Variants in DAB1 observed in about 807,000 individuals in gnomAD.
DAB1 encodes the protein disabled homolog 1.
In DAB1, 15 loss-of-function variants were observed where a neutral mutation model predicts 64.6. The observed-to-expected ratio is 0.23, with a 90% CI of 0.16 to 0.36. The LOEUF is 0.36. Among genes scored for constraint, DAB1 ranks in the 10% least tolerant of loss-of-function variants. The probability of loss-of-function intolerance (pLI) is 1.00; values close to 1 mark genes in which losing one functional copy is unlikely to be tolerated. For missense variants in DAB1, 596 were observed against 706.7 expected, an observed-to-expected ratio of 0.84 and a Z score of 1.78; for synonymous variants, 235 against 251.9, an observed-to-expected ratio of 0.93 and a Z score of 0.64.
intron 1 of DAB1, among the ~76,000 whole-genome samples, chr1:57,843,299 A>T (rs145804245): frequency 5.9e-5 from 9 of 152,342 alleles, no homozygotes; most frequent in Non-Finnish European, 1.0e-4. Context: ...CTTTGAAGGC[A>T]AACATAACAC....
chr1:58,208,963 G>C (rs1024049732), intron 4 of DAB1, among the ~76,000 whole-genome samples: 1 of 152,178 alleles, frequency 6.6e-6, no homozygotes, highest in East Asian at 1.9e-4. Flanking sequence ...AGTTAATTAA[G>C]AGAAACCTGA....
At position 58,061,488 on chromosome 1, in the gene DAB1, C is replaced by T. The variant is rs1010985248; in HGVS notation, n.387+89023G>A. ...GAAGAGTCATACTGATCTCTGCCTT[C>T]GTCTTCACATGGCCCTGTGTCTGTC... is the stretch of plus-strand genomic sequence containing the variant. On this transcript the variant is annotated intron_variant and non_coding_transcript_variant, in intron 5 of 20. Coordinates refer to the DAB1 transcript ENST00000485760. 3.3e-5 allele frequency among the ~76,000 whole-genome samples: 5 copies of T among 152,284 alleles called. No individual in the cohort carries two copies. In the East Asian group the frequency reaches 5.8e-4, roughly 18 times the overall value.
chr1:58,275,256 G>C (rs1008302733), intron 4 of DAB1, among the ~76,000 whole-genome samples: 1 of 152,132 alleles, frequency 6.6e-6, no homozygotes, highest in Non-Finnish European at 1.5e-5. Context: ...GAAGAGCTTC[G>C]TGACATTAAT....
At chr1:58,474,061 C>A in intron 3 of DAB1, 1 of 544,898 alleles carries the variant, frequency 1.8e-6, no homozygotes, top group Non-Finnish European at 3.3e-6. Context: ...CATTCCCAAT[C>A]CAGAGCCTAG....
At chr1:57,795,134 A>G (rs1452163111) in intron 6 of DAB1, among the ~76,000 whole-genome samples, 15 of 152,252 alleles carry the variant, frequency 9.9e-5, no homozygotes, top group Non-Finnish European at 8.8e-5. Flanking sequence ...AAAGAACATG[A>G]ACATGAATAA....
chr1:57,246,954 C>G (rs1558017650), intron 2 of DAB1, among the ~76,000 whole-genome samples: 1 of 152,196 alleles, frequency 6.6e-6, no homozygotes, highest in Non-Finnish European at 1.5e-5. Flanking sequence ...CTGCCTGTAC[C>G]CCCATTGTAT....
At chr1:57,453,040 G>A (rs1374622695) in intron 7 of DAB1, among the ~76,000 whole-genome samples, 1 of 152,054 alleles carries the variant, frequency 6.6e-6, no homozygotes, top group African/African-American at 2.4e-5. Context: ...GAAGAATATT[G>A]TAGAAGTAAA....
At chr1:57,257,034 C>T (rs1669818901) in intron 2 of DAB1, among the ~76,000 whole-genome samples, 1 of 152,202 alleles carries the variant, frequency 6.6e-6, no homozygotes, top group Non-Finnish European at 1.5e-5. Flanking sequence ...CTCAGCTGTC[C>T]TACATGAGTT....
intron 3 of DAB1, among the ~76,000 whole-genome samples, chr1:58,450,069 T>A (rs1239418954): frequency 3.3e-5 from 5 of 151,710 alleles, no homozygotes; most frequent in Non-Finnish European, 7.4e-5. Flanking sequence ...AAATGAGGGG[T>A]TTCTGGTTCC....
At chr1:58,458,834 A>AAACAAAC (rs375507438) in intron 3 of DAB1, among the ~76,000 whole-genome samples, 2 of 150,640 alleles carry the variant, frequency 1.3e-5, no homozygotes, top group East Asian at 1.9e-4. Context: ...AACAAACAAA[A>AAACAAAC]AAAAAAAACG....
At chr1:57,569,009 A>C (rs1050939224) in intron 7 of DAB1, among the ~76,000 whole-genome samples, 2 of 152,088 alleles carry the variant, frequency 1.3e-5, no homozygotes, top group African/African-American at 4.8e-5. Flanking sequence ...CTGTAATCCC[A>C]GCACTTTGGG....
chr1:57,092,055 C>T (rs942250776), intron 4 of DAB1, among the ~76,000 whole-genome samples: 3 of 152,178 alleles, frequency 2.0e-5, no homozygotes, highest in Non-Finnish European at 4.4e-5. Context: ...CAGAAAAGGA[C>T]CTGAATGAAG....
At chr1:57,450,739 A>T (rs1488447589) in intron 7 of DAB1, among the ~76,000 whole-genome samples, 3 of 152,236 alleles carry the variant, frequency 2.0e-5, no homozygotes, top group African/African-American at 7.2e-5. Flanking sequence ...TGTTGATCCA[A>T]TTTCAAATGT....
Position 57,095,388 on chromosome 1 carries a change from G to A in DAB1, c.307-22974C>T, listed in dbSNP as rs774031414. Among the ~76,000 whole-genome samples, 77 of 152,196 alleles carry A rather than the reference G, an allele frequency of 5.1e-4. 1 individual carries two copies. The highest frequency in any genetic ancestry group is 8.8e-4 in the Non-Finnish European group (60 of 68,034). On this transcript the variant is annotated intron_variant, in intron 4 of 14. Coordinates refer to ENST00000371236, the MANE Select transcript of DAB1 (RefSeq NM_001365792.1). ...CTGTGACATTTTACCCTGGATCAGAGAACTGGAGAAGGAAGTTCTGAGTCC... is the reference window on the plus strand; with the variant it reads ...CTGTGACATTTTACCCTGGATCAGAAAACTGGAGAAGGAAGTTCTGAGTCC...
intron 7 of DAB1, among the ~76,000 whole-genome samples, chr1:57,467,719 G>T (rs1687001954): frequency 6.6e-6 from 1 of 152,092 alleles, no homozygotes; most frequent in Non-Finnish European, 1.5e-5. Context: ...CATCATTGGG[G>T]TTTACTAGAT....
chr1:57,977,998 T>A (rs1482159747), intron 5 of DAB1, among the ~76,000 whole-genome samples: 1 of 152,144 alleles, frequency 6.6e-6, no homozygotes, highest in Non-Finnish European at 1.5e-5. Flanking sequence ...CCCAAAGTAA[T>A]TTATAGATTC....
intron 5 of DAB1, among the ~76,000 whole-genome samples, chr1:57,912,273 G>C (rs536029923): frequency 6.6e-6 from 1 of 152,038 alleles, no homozygotes; most frequent in Non-Finnish European, 1.5e-5. Flanking sequence ...ATCTAATTTC[G>C]TGGGTCTGTC....
chr1:58,083,926 C>T (rs144353638), intron 5 of DAB1, among the ~76,000 whole-genome samples: 11 of 152,198 alleles, frequency 7.2e-5, no homozygotes, highest in African/African-American at 1.2e-4. Context: ...TTAAGTAGAA[C>T]GTTCTAGGGA....
chr1:57,722,683 C>T (rs1475092410), intron 6 of DAB1, among the ~76,000 whole-genome samples: 1 of 152,164 alleles, frequency 6.6e-6, no homozygotes, highest in Admixed American at 6.5e-5. Context: ...CATTTCACAC[C>T]TGCCTTTCCA....
Sources: gnomAD v4.1 joint callset for allele counts (sites outside exome capture counted in the v4.1 genomes callset) on GRCh38, gnomAD v4.1.1 for gene constraint, MANE v1.5 for transcripts, NCBI Gene and HGNC (gene_info 2026-07-23, HGNC 2026-07-21) for gene names.